ATRX: variants seen among roughly 807,000 people sequenced by gnomAD.
ATRX encodes the protein chromatin remodeler ATRX.
A neutral mutation model predicts 172.6 loss-of-function variants in ATRX; 12 were observed. The observed-to-expected ratio is 0.07, with a 90% CI of 0.04 to 0.11. The LOEUF is 0.11. Among genes scored for constraint, ATRX ranks in the 10% least tolerant of loss-of-function variants. The probability of loss-of-function intolerance (pLI) is 1.00; values close to 1 mark genes in which losing one functional copy is unlikely to be tolerated. For missense variants in ATRX, 1,368 were observed against 1,767.4 expected (o/e 0.77, Z 4.05); for synonymous variants, 674 against 594.7 (o/e 1.13, Z -1.94).
intron 1 of ATRX, among the ~76,000 whole-genome samples, chrX:77,726,857 C>T (rs2074065876): frequency 9.2e-6 from 1 of 109,282 alleles, no homozygotes; most frequent in African/African-American, 3.3e-5. Context: ...AGGCCATGAT[C>T]ATTACCATGA....
intron 8 of ATRX, 108 bp downstream of exon 8, chrX:77,684,831 T>A: frequency 1.2e-6 from 1 of 816,176 alleles, no homozygotes; most frequent in Non-Finnish European, 1.8e-6. Flanking sequence ...AACCTTTCAT[T>A]AAAGACATCA....
chrX:77,505,125 A>G lies in ATRX; in HGVS notation c.*3226T>C, dbSNP rs965079061. 4.1e-5 allele frequency: 7 copies of G among 170,475 alleles called. No individual in the cohort carries two copies. The highest frequency in any genetic ancestry group is 7.9e-5 in the Non-Finnish European group (7 of 89,142). The allele number at this position is 170,475 out of a possible 1,213,427, so 14.0% of individuals were successfully genotyped here. ...CCCTGAACATAATTTTTAGTATAAT[A>G]AACATGTAAAAGGATTGACCTGTTT... On this transcript the variant is annotated 3_prime_UTR_variant, in exon 35 of 35. Transcript: ENST00000373344.
In ATRX at chrX:77,667,079, TA is replaced by T. The variant is rs1299781108; in HGVS notation, c.3810-2302del. On this transcript the variant is annotated intron_variant, in intron 10 of 34. Coordinates refer to ENST00000373344, the MANE Select transcript of ATRX (RefSeq NM_000489.6). The stretch of plus-strand genomic sequence containing the variant: ...TTATAAACCACAATATAGTTCTATT[TA>T]AAAAAAAAAAACTTCTAAAATTTGT... Among the ~76,000 whole-genome samples, 864 of 103,426 alleles carry T rather than the reference TA, an allele frequency of 8.4e-3. 9 individuals are homozygous for T. Among genetic ancestry groups the T allele is most frequent in the African/African-American group, 0.028 (813 of 28,668 alleles). 89.8% of individuals were successfully genotyped at this position (103,426 alleles called of 115,157 possible). A position where few individuals can be genotyped will look rare whatever the true frequency, so the allele number is the denominator to read the frequency against.
chrX:77,623,028 G>C (rs1476216978), intron 19 of ATRX, among the ~76,000 whole-genome samples: 1 of 110,235 alleles, frequency 9.1e-6, no homozygotes, highest in Admixed American at 9.8e-5. Context: ...CCCAAACCCA[G>C]CAGAAGAAAG....
chrX:77,769,633 G>A (rs782008040), intron 1 of ATRX, among the ~76,000 whole-genome samples: 1 of 111,344 alleles, frequency 9.0e-6, no homozygotes, highest in East Asian at 2.8e-4. Context: ...CAATCTGGGA[G>A]AGGTAGGCTT....
intron 30 of ATRX, among the ~76,000 whole-genome samples, chrX:77,540,317 C>A (rs1342126994): frequency 9.0e-6 from 1 of 111,415 alleles, no homozygotes; most frequent in African/African-American, 3.3e-5. Flanking sequence ...ATTCATAAAG[C>A]AAGTTCTTAG....
At chrX:77,599,238 T>C (rs1557085578) in intron 25 of ATRX, among the ~76,000 whole-genome samples, 173 bp downstream of exon 25, 1 of 112,135 alleles carries the variant, frequency 8.9e-6, no homozygotes, top group African/African-American at 3.2e-5. Context: ...AGCTTGCTTA[T>C]AATTAAAGAT....
intron 30 of ATRX, among the ~76,000 whole-genome samples, chrX:77,527,926 G>C (rs2063442111): frequency 9.1e-6 from 1 of 110,267 alleles, no homozygotes; most frequent in African/African-American, 3.3e-5. Context: ...CAGTGGCCTT[G>C]CCAGATAAGG....
At chrX:77,621,075 G>A (rs928952821) in intron 19 of ATRX, among the ~76,000 whole-genome samples, 7 of 111,456 alleles carry the variant, frequency 6.3e-5, no homozygotes, top group Non-Finnish European at 1.3e-4. Flanking sequence ...ATAAAAGAAA[G>A]TGAAACTGGT....
At position 77,564,920 on chromosome X, in the gene ATRX, C is replaced by G. The variant is rs1313189844; in HGVS notation, c.6327-6074G>C. Among the ~76,000 whole-genome samples, 5 of 111,730 alleles carry G rather than the reference C, an allele frequency of 4.5e-5. No individual in the cohort carries two copies. In the Admixed American group the frequency reaches 4.8e-4, roughly 11 times the overall value. ...GTAACCAAGTTATAACAAGGCACTACCAGGGTGGGGTCAGACAAGTCTGAT... is the reference window on the plus strand; with the variant it reads ...GTAACCAAGTTATAACAAGGCACTAGCAGGGTGGGGTCAGACAAGTCTGAT... On this transcript the variant is annotated intron_variant, in intron 28 of 34. Coordinates refer to ENST00000373344, the MANE Select transcript of ATRX (RefSeq NM_000489.6).
At chrX:77,602,959 T>A (rs782550089) in intron 22 of ATRX, among the ~76,000 whole-genome samples, 3 of 110,812 alleles carry the variant, frequency 2.7e-5, no homozygotes, top group Non-Finnish European at 5.7e-5. Context: ...GGGGGAAAAG[T>A]TGTTTTTTTG....
At chrX:77,768,076 C>A (rs2076037490) in intron 1 of ATRX, among the ~76,000 whole-genome samples, 1 of 112,047 alleles carries the variant, frequency 8.9e-6, no homozygotes, top group Admixed American at 9.5e-5. Flanking sequence ...TAATCCAGTG[C>A]TTTTTCAACA....
At chrX:77,665,477 T>C (rs2070183123) in intron 10 of ATRX, among the ~76,000 whole-genome samples, 1 of 111,529 alleles carries the variant, frequency 9.0e-6, no homozygotes, top group Admixed American at 9.6e-5. Context: ...TTAAAAAAAA[T>C]AGTGCAGTTG....
chrX:77,651,217 CAAAAAAAAAA>C (rs1170232589), intron 15 of ATRX, among the ~76,000 whole-genome samples: 565 of 16,460 alleles, frequency 0.034, 1 homozygote, highest in Middle Eastern at 0.12. Flanking sequence ...AACTCCATCT[CAAAAAAAAAA>C]AAAAAAAAAA....
intron 2 of ATRX, among the ~76,000 whole-genome samples, chrX:77,699,767 T>C (rs782383223): frequency 6.3e-5 from 7 of 111,431 alleles, no homozygotes; most frequent in Non-Finnish European, 1.3e-4. Context: ...CCTGTAACAA[T>C]TGATGAGATT....
At chrX:77,653,132 A>T (rs2069359012) in intron 14 of ATRX, among the ~76,000 whole-genome samples, 1 of 111,980 alleles carries the variant, frequency 8.9e-6, no homozygotes, top group African/African-American at 3.2e-5. Flanking sequence ...TACCAGAGAA[A>T]AACAGTGTGG....
intron 27 of ATRX, among the ~76,000 whole-genome samples, chrX:77,588,809 G>A (rs2066129389): frequency 9.0e-6 from 1 of 111,191 alleles, no homozygotes; most frequent in African/African-American, 3.3e-5. Flanking sequence ...AATGGGCAAA[G>A]GACCTGAATA....
rs1557140475 is a variant in ATRX, at chrX:77,683,295, C to T, written c.1961G>A (p.Arg654Gln). 5 of 1,210,139 alleles carry T rather than the reference C, an allele frequency of 4.1e-6. No homozygotes were observed. The highest frequency in any genetic ancestry group is 2.2e-5 in the Admixed American group (1 of 45,942). The change falls in exon 9 of 35, where the codon CGA becomes CAA. Residue 654 changes from arginine (R) to glutamine (Q), a missense_variant. Transcript: ENST00000373344. The part of the protein sequence containing the change: ...VSLLLEESDL[R>Q]RSPRVKTTPL... ...TGTAGTCTTTACACGTGGGGATCTT[C>T]GAAGATCAGATTCCTCTAAAAGTAA...
intron 25 of ATRX, chrX:77,596,501 G>A (rs1232349231): frequency 9.0e-6 from 1 of 110,631 alleles, no homozygotes; most frequent in Admixed American, 9.7e-5. Context: ...ACGTATATAA[G>A]CTACAAAAAT....
Sources: gnomAD v4.1 joint callset for allele counts (sites outside exome capture counted in the v4.1 genomes callset) on GRCh38, gnomAD v4.1.1 for gene constraint, MANE v1.5 for transcripts, NCBI Gene and HGNC (gene_info 2026-07-23, HGNC 2026-07-21) for gene names.